The following TPH2 variants were observed in gnomAD, a reference collection of about 807,000 sequenced individuals.
TPH2 encodes the protein tryptophan hydroxylase 2.
TPH2 carries 27 observed loss-of-function variants against 59.1 expected under a neutral mutation model. The observed-to-expected ratio is 0.46, with a 90% CI of 0.34 to 0.63. The LOEUF (loss-of-function observed/expected upper bound fraction) is 0.63, where lower values mean the gene tolerates loss of function less well. Among genes scored for constraint, TPH2 ranks in the 30% least tolerant of loss-of-function variants. The pLI is 0.01. For synonymous variants in TPH2, 220 were observed against 210.5 expected, an observed-to-expected ratio of 1.05 and a Z score of -0.39; for missense variants, 523 against 588.3, an observed-to-expected ratio of 0.89 and a Z score of 1.15.
intron 4 of TPH2, among the ~76,000 whole-genome samples, chr12:71,947,738 C>G (rs1871233182): frequency 6.6e-6 from 1 of 152,064 alleles, no homozygotes; most frequent in Non-Finnish European, 1.5e-5. Context: ...ATGGTTCAAT[C>G]CAGGAAGTTC....
intron 7 of TPH2, among the ~76,000 whole-genome samples, chr12:71,989,243 CTG>C (rs1872520786): frequency 6.6e-6 from 1 of 152,098 alleles, no homozygotes; most frequent in Non-Finnish European, 1.5e-5. Flanking sequence ...TAAAGAAACT[CTG>C]TATATGGCTC....
At chr12:72,002,467 G>A (rs1309317300) in intron 8 of TPH2, among the ~76,000 whole-genome samples, 1 of 152,198 alleles carries the variant, frequency 6.6e-6, no homozygotes, top group African/African-American at 2.4e-5. Context: ...TGGAAGAACC[G>A]TGGCTACATC....
intron 5 of TPH2, among the ~76,000 whole-genome samples, chr12:71,951,053 T>C (rs1452461718): frequency 6.6e-6 from 1 of 152,184 alleles, no homozygotes; most frequent in African/African-American, 2.4e-5. Context: ...TCCTCTGTTC[T>C]AAGCAGCTTC....
chr12:72,013,238 G>C (rs959981383), intron 8 of TPH2, among the ~76,000 whole-genome samples: 4 of 152,136 alleles, frequency 2.6e-5, no homozygotes, highest in African/African-American at 9.7e-5. Flanking sequence ...AATGTATGCT[G>C]TTTTCACAAT....
At chr12:71,974,711 C>T (rs888405349) in intron 6 of TPH2, among the ~76,000 whole-genome samples, 5 of 152,124 alleles carry the variant, frequency 3.3e-5, no homozygotes, top group African/African-American at 1.2e-4. Flanking sequence ...CACAATCTCC[C>T]CCTATTGCCA....
In TPH2 at chr12:72,009,233, A is replaced by G. The variant is rs1202433646; in HGVS notation, c.1069-13166A>G. Among the ~76,000 whole-genome samples the G allele has an allele frequency of 3.3e-5, 5 of 152,212 alleles. No homozygotes were observed. The East Asian group carries it at 7.8e-4, about 24-fold the overall frequency. ...CCTGTCCTGCCTCTACTGATTGATT[A>G]GGGGAAGGGAAAGAGAAGAGAGGGA... On this transcript the variant is annotated intron_variant, in intron 8 of 10. Coordinates refer to ENST00000333850, the MANE Select transcript of TPH2 (RefSeq NM_173353.4).
chr12:72,000,967 A>G (rs1035464661), intron 8 of TPH2, among the ~76,000 whole-genome samples: 3 of 152,252 alleles, frequency 2.0e-5, no homozygotes, highest in Admixed American at 6.5e-5. Context: ...GTAAAGGGGC[A>G]TCTTTCGTCA....
chr12:71,967,895 A>G (rs910248393), intron 5 of TPH2, among the ~76,000 whole-genome samples: 8 of 152,092 alleles, frequency 5.3e-5, no homozygotes, highest in African/African-American at 1.9e-4. Context: ...ATTAATCTCA[A>G]ACTTGATTCA....
chr12:71,944,334 C>A lies in TPH2; in HGVS notation c.296C>A (p.Ser99Tyr). ...VNMVHIESRK[S>Y]RRRSSEVEIF... is the part of the protein sequence containing the mutation. ...ATGGTTCATATTGAATCCAGGAAAT[C>A]TCGGCGAAGAAGTTCTGAGGTTGAA... is the stretch of plus-strand genomic sequence containing the variant. The change falls in exon 3 of 11, where the codon TCT (serine) becomes TAT (tyrosine). Residue 99 changes from serine to tyrosine, a missense_variant. By Grantham distance (144) the Ser-to-Tyr change is moderately radical (BLOSUM62 -2). Coordinates refer to ENST00000333850, the MANE Select transcript of TPH2 (RefSeq NM_173353.4). 1 of 1,613,846 alleles carries A rather than the reference C, an allele frequency of 6.2e-7. No individual in the cohort carries two copies. The highest frequency in any genetic ancestry group is 8.5e-7 in the Non-Finnish European group (1 of 1,179,824).
chr12:72,023,696 G>A (rs979170742), intron 9 of TPH2, among the ~76,000 whole-genome samples: 1 of 151,772 alleles, frequency 6.6e-6, no homozygotes, highest in African/African-American at 2.4e-5. Context: ...AGGCATGATG[G>A]CGGGTACCTG....
At chr12:71,982,015 A>AATTTTTTTTTTTTTTTTTTTTTTTT (rs1183784824) in intron 7 of TPH2, among the ~76,000 whole-genome samples, 1 of 60,492 alleles carries the variant, frequency 1.7e-5, no homozygotes, top group Non-Finnish European at 3.4e-5. Context: ...TATCATTCGT[A>AATTTTTTTTTTTTTTTTTTTTTTTT]TTTTTTTTTT....
At chr12:72,022,972 T>C (rs988849268) in intron 9 of TPH2, among the ~76,000 whole-genome samples, 1 of 152,240 alleles carries the variant, frequency 6.6e-6, no homozygotes, top group African/African-American at 2.4e-5. Flanking sequence ...AAAACATGTG[T>C]GGACATAAAC....
chr12:71,982,032 T>TTTTTTTTTTTTTTTTTTTTTTTTTTTTTG (rs71071810), intron 7 of TPH2, among the ~76,000 whole-genome samples: 1 of 144,340 alleles, frequency 6.9e-6, no homozygotes, highest in Non-Finnish European at 1.5e-5. Context: ...TTTTTTTTTT[T>TTTTTTTTTTTTTTTTTTTTTTTTTTTTTG]AGACAGAGTC....
chr12:72,009,243 A>AAAGAG (rs1873036932), intron 8 of TPH2, among the ~76,000 whole-genome samples: 1 of 152,096 alleles, frequency 6.6e-6, no homozygotes, highest in African/African-American at 2.4e-5. Context: ...AGGGGAAGGG[A>AAAGAG]AAGAGAAGAG....
At chr12:71,961,948 C>G (rs1364595236) in intron 5 of TPH2, 1 of 1,052,522 alleles carries the variant, frequency 9.5e-7, no homozygotes, top group East Asian at 7.8e-5. Context: ...TTTGTTTGCT[C>G]CCATCTGAAA....
At chr12:72,003,096 T>C (rs1872867960) in intron 8 of TPH2, among the ~76,000 whole-genome samples, 1 of 152,244 alleles carries the variant, frequency 6.6e-6, no homozygotes, top group Non-Finnish European at 1.5e-5. Context: ...GTCCCTCTTG[T>C]CTTTGCCTAC....
chr12:72,009,683 T>C lies in TPH2; in HGVS notation c.1069-12716T>C, dbSNP rs151203554. Among the ~76,000 whole-genome samples the C allele has an allele frequency of 4.7e-4, 72 of 152,358 alleles. No individual in the cohort carries two copies. The East Asian group carries it at 0.013, about 27-fold the overall frequency. On this transcript the variant is annotated intron_variant, in intron 8 of 10. Transcript: ENST00000333850. ...ATTGGCTTTCAACAGTCCTGTGTTA[T>C]GTTTCTTAGGATATCCAGGAGTCAC...
chr12:71,954,712 A>C (rs892873153), intron 5 of TPH2, among the ~76,000 whole-genome samples: 5 of 152,200 alleles, frequency 3.3e-5, no homozygotes, highest in African/African-American at 9.7e-5. Flanking sequence ...TGGACTTCAC[A>C]ATTACTATAT....
At chr12:71,943,980 G>T (rs17110467) in intron 2 of TPH2, among the ~76,000 whole-genome samples, 1 of 151,630 alleles carries the variant, frequency 6.6e-6, no homozygotes, top group Non-Finnish European at 1.5e-5. Flanking sequence ...AAATAATCAC[G>T]TGCCACCTGT....
Sources: allele counts gnomAD v4.1 joint callset (sites outside exome capture counted in the v4.1 genomes callset), GRCh38; gene constraint gnomAD v4.1.1; transcripts MANE v1.5; gene names NCBI Gene and HGNC (gene_info 2026-07-23, HGNC 2026-07-21).